MAF: variants seen among roughly 807,000 people sequenced by gnomAD.
The protein encoded by MAF is transcription factor Maf.
MAF carries 10 observed loss-of-function variants against 22.0 expected under a neutral mutation model. That is an observed-to-expected ratio of 0.45 (90% CI 0.28 to 0.77). The LOEUF (loss-of-function observed/expected upper bound fraction) is 0.77. MAF is among the 30% of genes least tolerant of loss of function. MAF has a pLI of 0.12. For missense variants in MAF, 544 were observed against 548.4 expected (o/e 0.99, Z 0.08); for synonymous variants, 337 against 255.8 (o/e 1.32, Z -3.03).
At chr16:79,293,282 G>T in the MAF span, among the ~76,000 whole-genome samples, 1 of 151,964 alleles carries the variant, frequency 6.6e-6, no homozygotes, top group African/African-American at 2.4e-5. Context: ...CAAACAATAG[G>T]GGTGCCCAAA....
the MAF span, among the ~76,000 whole-genome samples, chr16:79,558,723 C>T: frequency 6.6e-6 from 1 of 152,188 alleles, no homozygotes; most frequent in African/African-American, 2.4e-5. Context: ...CTAAGCCTTA[C>T]TACCCAGCTA....
At chr16:79,596,624 A>C in intron 1 of MAF, 1 of 1,041,184 alleles carries the variant, frequency 9.6e-7, no homozygotes, top group Non-Finnish European at 1.2e-6. Context: ...AAAATATGTA[A>C]AAGAAAAGTA....
the MAF span, among the ~76,000 whole-genome samples, chr16:79,260,731 T>C: frequency 6.6e-6 from 1 of 152,200 alleles, no homozygotes; most frequent in Admixed American, 6.5e-5. Flanking sequence ...ATAAATGTTC[T>C]TCATTTTCAC....
At chr16:79,575,096 G>A in the MAF span, among the ~76,000 whole-genome samples, 5 of 151,640 alleles carry the variant, frequency 3.3e-5, no homozygotes, top group Non-Finnish European at 5.9e-5. Context: ...GTGGTCTGAG[G>A]CACGGCATCA....
At chr16:79,246,219 A>T in the MAF span, among the ~76,000 whole-genome samples, 2 of 151,938 alleles carry the variant, frequency 1.3e-5, no homozygotes, top group Non-Finnish European at 2.9e-5. Flanking sequence ...AAGAAAATTA[A>T]AAAAAAATCA....
chr16:79,576,008 C>G, the MAF span, among the ~76,000 whole-genome samples: 2 of 152,056 alleles, frequency 1.3e-5, no homozygotes, highest in African/African-American at 4.8e-5. Flanking sequence ...AGTAAAGGTA[C>G]TCATGAGCCA....
chr16:79,383,904 G>A, the MAF span, among the ~76,000 whole-genome samples: 1 of 152,156 alleles, frequency 6.6e-6, no homozygotes, highest in Non-Finnish European at 1.5e-5. Context: ...GTTTTAGATT[G>A]CAAACTTTTC....
the MAF span, among the ~76,000 whole-genome samples, chr16:79,312,042 C>G: frequency 1.2e-4 from 19 of 152,254 alleles, no homozygotes; most frequent in Admixed American, 5.2e-4. Flanking sequence ...AACTCTCAAT[C>G]TCATTTTTCA....
the MAF span, among the ~76,000 whole-genome samples, chr16:79,398,773 A>G: frequency 6.6e-6 from 1 of 151,908 alleles, no homozygotes; most frequent in Non-Finnish European, 1.5e-5. Flanking sequence ...TCTGTCTGGC[A>G]TTCTCTTACT....
chr16:79,435,264 A>C, the MAF span, among the ~76,000 whole-genome samples: 2 of 152,144 alleles, frequency 1.3e-5, no homozygotes, highest in Non-Finnish European at 2.9e-5. Context: ...ACACACACAC[A>C]CATATTCACA....
downstream of MAF, among the ~76,000 whole-genome samples, chr16:79,592,068 GA>G (rs1277946223): frequency 6.6e-6 from 1 of 152,204 alleles, no homozygotes; most frequent in Non-Finnish European, 1.5e-5. Context: ...TGGTAACAGG[GA>G]TTATTTCTGG....
At chr16:79,308,145 A>T in the MAF span, among the ~76,000 whole-genome samples, 1 of 152,166 alleles carries the variant, frequency 6.6e-6, no homozygotes, top group South Asian at 2.1e-4. Context: ...TGCTGACCCA[A>T]TCGATGGAGC....
the MAF span, among the ~76,000 whole-genome samples, chr16:79,322,256 G>A: frequency 1.3e-5 from 2 of 152,062 alleles, no homozygotes; most frequent in South Asian, 4.2e-4. Flanking sequence ...AGGAAAAAGG[G>A]TATTTGCTTT....
At chr16:79,429,679 T>A in the MAF span, among the ~76,000 whole-genome samples, 1 of 152,086 alleles carries the variant, frequency 6.6e-6, no homozygotes, top group Non-Finnish European at 1.5e-5. Context: ...TCCACTCCCA[T>A]GCACCAGTGA....
the MAF span, among the ~76,000 whole-genome samples, chr16:79,225,845 G>C: frequency 4.6e-5 from 7 of 152,190 alleles, no homozygotes; most frequent in African/African-American, 7.2e-5. Flanking sequence ...TCTCACACCA[G>C]TTAGAATGGT....
the MAF span, among the ~76,000 whole-genome samples, chr16:79,450,850 A>G: frequency 1.3e-5 from 2 of 151,200 alleles, no homozygotes; most frequent in East Asian, 1.9e-4. Context: ...TTTTTTTTCT[A>G]TTTTGGAAAA....
chr16:79,298,471 T>C, the MAF span, among the ~76,000 whole-genome samples: 1 of 152,198 alleles, frequency 6.6e-6, no homozygotes, highest in Non-Finnish European at 1.5e-5. Context: ...AACAACCATA[T>C]ATTTCCCTTG....
chr16:79,539,333 T>TA, the MAF span, among the ~76,000 whole-genome samples: 5 of 152,184 alleles, frequency 3.3e-5, no homozygotes, highest in African/African-American at 1.2e-4. Context: ...TAAAACCCTG[T>TA]ATCTGCTAAA....
the MAF span, among the ~76,000 whole-genome samples, chr16:79,217,531 A>C: frequency 6.6e-6 from 1 of 152,200 alleles, no homozygotes; most frequent in Non-Finnish European, 1.5e-5. Context: ...TACATTTCTC[A>C]ATAGGCCCTC....
Sources: allele counts gnomAD v4.1 joint callset (sites outside exome capture counted in the v4.1 genomes callset), GRCh38; gene constraint gnomAD v4.1.1; transcripts MANE v1.5; gene names NCBI Gene and HGNC (gene_info 2026-07-23, HGNC 2026-07-21).